Variants in LAMA2 observed in about 807,000 individuals in gnomAD.
The protein encoded by LAMA2 is laminin subunit alpha-2.
A neutral mutation model predicts 364.8 loss-of-function variants in LAMA2; 269 were observed. The ratio of observed to expected loss-of-function variants is 0.74; its 90% CI spans 0.67 to 0.82. The LOEUF (loss-of-function observed/expected upper bound fraction) is 0.82, where lower values mean the gene tolerates loss of function less well. Among genes scored for constraint, LAMA2 ranks in the 40% least tolerant of loss-of-function variants. The pLI is 0.00. For missense variants in LAMA2, 3,807 were observed against 3,873.2 expected (o/e 0.98, Z 0.45); for synonymous variants, 1,379 against 1,370.6 (o/e 1.01, Z -0.14).
At chr6:129,119,611 G>A (rs929931793) in intron 4 of LAMA2, among the ~76,000 whole-genome samples, 9 of 151,914 alleles carry the variant, frequency 5.9e-5, no homozygotes, top group Admixed American at 4.6e-4. Flanking sequence ...GCAGTGGCTC[G>A]ATCTTGGCTC....
intron 11 of LAMA2, among the ~76,000 whole-genome samples, chr6:129,192,362 G>A (rs759516711): frequency 6.6e-6 from 1 of 152,120 alleles, no homozygotes; most frequent in African/African-American, 2.4e-5. Flanking sequence ...ATGACTTTGA[G>A]TGAATTTCTA....
At chr6:129,288,616 A>C (rs1174636854) in intron 19 of LAMA2, among the ~76,000 whole-genome samples, 1 of 152,202 alleles carries the variant, frequency 6.6e-6, no homozygotes, top group Admixed American at 6.5e-5. Context: ...TTTAAGGACT[A>C]TTTCTAGAAT....
At chr6:129,169,598 A>C (rs1314221091) in intron 9 of LAMA2, among the ~76,000 whole-genome samples, 1 of 151,192 alleles carries the variant, frequency 6.6e-6, no homozygotes, top group Non-Finnish European at 1.5e-5. Flanking sequence ...ATCAATGTTC[A>C]TCAAGGATAT....
chr6:129,112,733 A>C (rs1041325893), intron 4 of LAMA2, among the ~76,000 whole-genome samples: 2 of 123,188 alleles, frequency 1.6e-5, no homozygotes, highest in African/African-American at 6.9e-5. Flanking sequence ...AGAGAGAGAG[A>C]AAAAAAAAAC....
chr6:129,342,955 C>A (rs2114569843), intron 30 of LAMA2, among the ~76,000 whole-genome samples: 1 of 152,090 alleles, frequency 6.6e-6, no homozygotes, highest in South Asian at 2.1e-4. Context: ...TATTGTTATG[C>A]TCCAAAAAAT....
At chr6:128,985,388 A>G (rs1292385262) in intron 1 of LAMA2, among the ~76,000 whole-genome samples, 1 of 152,152 alleles carries the variant, frequency 6.6e-6, no homozygotes, top group Non-Finnish European at 1.5e-5. Context: ...ATTGGAATGT[A>G]AGGCAAAAAT....
intron 8 of LAMA2, chr6:129,158,269 G>A: frequency 6.2e-7 from 1 of 1,614,076 alleles, no homozygotes; most frequent in African/African-American, 1.3e-5. Flanking sequence ...ATGTTTTCAT[G>A]GCGCATTAGC....
chr6:129,031,393 T>C (rs1465903238), intron 1 of LAMA2, among the ~76,000 whole-genome samples: 1 of 150,650 alleles, frequency 6.6e-6, no homozygotes, highest in Non-Finnish European at 1.5e-5. Flanking sequence ...TTCCAGAAGC[T>C]GGGGGTGGGG....
intron 12 of LAMA2, among the ~76,000 whole-genome samples, chr6:129,245,207 G>T (rs991721131): frequency 9.2e-5 from 14 of 152,176 alleles, no homozygotes; most frequent in Admixed American, 7.9e-4. Context: ...GGAATGAACC[G>T]CTCTCACTAA....
chr6:128,891,941 A>G (rs1353798511), intron 1 of LAMA2, among the ~76,000 whole-genome samples: 1 of 152,086 alleles, frequency 6.6e-6, no homozygotes, highest in Admixed American at 6.5e-5. Flanking sequence ...ACTCGGATCC[A>G]TAGCCAAGTC....
At chr6:129,368,865 C>T (rs1562499421) in intron 33 of LAMA2, among the ~76,000 whole-genome samples, 1 of 152,196 alleles carries the variant, frequency 6.6e-6, no homozygotes, top group Non-Finnish European at 1.5e-5. Context: ...ATTTCTTTAA[C>T]TATGTCAGTG....
intron 58 of LAMA2, among the ~76,000 whole-genome samples, chr6:129,495,029 A>G (rs771124325): frequency 6.6e-6 from 1 of 152,222 alleles, no homozygotes; most frequent in Non-Finnish European, 1.5e-5. Context: ...CAAGAGCCCT[A>G]AAGATCATCT....
chr6:129,370,044 G>A, intron 34 of LAMA2, 54 bp downstream of exon 34: 1 of 1,416,052 alleles, frequency 7.1e-7, no homozygotes, highest in East Asian at 2.3e-5. Context: ...TGTCAATGAA[G>A]GAAAATTACT....
intron 55 of LAMA2, among the ~76,000 whole-genome samples, chr6:129,484,879 G>T (rs1784519099): frequency 6.6e-6 from 1 of 152,174 alleles, no homozygotes; most frequent in Non-Finnish European, 1.5e-5. Context: ...TTTGGTGGTA[G>T]ATTTACAGGT....
chr6:129,022,366 TG>T (rs1308936669), intron 1 of LAMA2, among the ~76,000 whole-genome samples: 2 of 152,200 alleles, frequency 1.3e-5, no homozygotes, highest in African/African-American at 4.8e-5. Context: ...TGCTTATTCA[TG>T]AAACTCGGGA....
intron 1 of LAMA2, among the ~76,000 whole-genome samples, chr6:128,899,748 G>A (rs117742595): frequency 3.3e-5 from 5 of 151,884 alleles, no homozygotes; most frequent in African/African-American, 1.2e-4. Flanking sequence ...AGAAAGTGAG[G>A]CTACCTTAAA....
chr6:128,985,851 A>G (rs991129313), intron 1 of LAMA2, among the ~76,000 whole-genome samples: 4 of 152,178 alleles, frequency 2.6e-5, no homozygotes, highest in African/African-American at 9.7e-5. Context: ...TAAAAAATGA[A>G]CAATAATTAT....
intron 37 of LAMA2, among the ~76,000 whole-genome samples, chr6:129,396,349 A>G (rs1779617146): frequency 6.6e-6 from 1 of 152,218 alleles, no homozygotes; most frequent in Non-Finnish European, 1.5e-5. Context: ...AGATTCAGCA[A>G]AAGTTTCACA....
chr6:129,138,022 A>T (rs537458283), intron 4 of LAMA2, among the ~76,000 whole-genome samples: 4 of 152,180 alleles, frequency 2.6e-5, no homozygotes, highest in African/African-American at 9.6e-5. Context: ...AAGATATATA[A>T]AGTACATCTG....
Sources: gnomAD v4.1 joint callset for allele counts (sites outside exome capture counted in the v4.1 genomes callset) on GRCh38, gnomAD v4.1.1 for gene constraint, MANE v1.5 for transcripts, NCBI Gene and HGNC (gene_info 2026-07-23, HGNC 2026-07-21) for gene names.